DNAJC1: variants seen among roughly 807,000 people sequenced by gnomAD.
DNAJC1 encodes dnaJ homolog subfamily C member 1.
In DNAJC1, 58 loss-of-function variants were observed where a neutral mutation model predicts 76.6. That is an observed-to-expected ratio of 0.76 (90% CI 0.61 to 0.94). The LOEUF (loss-of-function observed/expected upper bound fraction) is 0.94. DNAJC1 is among the 40% of genes least tolerant of loss of function. The probability of loss-of-function intolerance (pLI) is 0.00; values close to 1 mark genes in which losing one functional copy is unlikely to be tolerated. For synonymous variants in DNAJC1, 258 were observed against 267.9 expected (o/e 0.96, Z 0.36); for missense variants, 689 against 677.3 (o/e 1.02, Z -0.19).
intron 10 of DNAJC1, among the ~76,000 whole-genome samples, chr10:21,761,939 C>CA: frequency 6.6e-6 from 1 of 152,218 alleles, no homozygotes; most frequent in Middle Eastern, 3.4e-3. Context: ...GATGGAGTCT[C>CA]ACTCTTTCAC....
chr10:21,965,625 G>A (rs1837877943), intron 1 of DNAJC1, among the ~76,000 whole-genome samples: 1 of 152,096 alleles, frequency 6.6e-6, no homozygotes, highest in South Asian at 2.1e-4. Context: ...GGAGAACAAA[G>A]TCATTCCTAA....
intron 10 of DNAJC1, among the ~76,000 whole-genome samples, chr10:21,761,464 C>T (rs1191039927): frequency 6.7e-6 from 1 of 148,248 alleles, no homozygotes; most frequent in Non-Finnish European, 1.5e-5. Context: ...GAGGCCGAGG[C>T]AGGAGAATCG....
intron 9 of DNAJC1, among the ~76,000 whole-genome samples, chr10:21,782,750 T>G (rs941292040): frequency 2.0e-5 from 3 of 152,174 alleles, no homozygotes; most frequent in East Asian, 1.9e-4. Flanking sequence ...GTTGAACATA[T>G]GCAAATCAAT....
chr10:21,851,891 A>G (rs1050055758), intron 8 of DNAJC1, among the ~76,000 whole-genome samples: 6 of 151,788 alleles, frequency 4.0e-5, no homozygotes, highest in Non-Finnish European at 8.8e-5. Flanking sequence ...CATCTCTACT[A>G]AAAATACAAA....
At chr10:21,968,700 C>G (rs1205834508) in intron 1 of DNAJC1, among the ~76,000 whole-genome samples, 1 of 151,840 alleles carries the variant, frequency 6.6e-6, no homozygotes, top group East Asian at 1.9e-4. Flanking sequence ...TTAGTAGAGA[C>G]AGGGTTTCAC....
chr10:21,816,095 C>T (rs1381315444), intron 8 of DNAJC1, among the ~76,000 whole-genome samples: 3 of 151,476 alleles, frequency 2.0e-5, no homozygotes. Context: ...AATACCCTAT[C>T]CTAGATGGGC....
chr10:21,781,638 G>A (rs1203394071), intron 9 of DNAJC1, among the ~76,000 whole-genome samples: 43 of 148,580 alleles, frequency 2.9e-4, no homozygotes, highest in Admixed American at 1.2e-3. Flanking sequence ...GGAGAATGGC[G>A]TGAACCTGGG....
chr10:21,958,346 T>G (rs1046917554), intron 1 of DNAJC1, among the ~76,000 whole-genome samples: 5 of 152,218 alleles, frequency 3.3e-5, no homozygotes, highest in Non-Finnish European at 2.9e-5. Flanking sequence ...TACATTTATA[T>G]AGTTCTGCAA....
At chr10:21,869,916 TTTTA>T (rs1278676973) in intron 8 of DNAJC1, among the ~76,000 whole-genome samples, 1 of 152,050 alleles carries the variant, frequency 6.6e-6, no homozygotes, top group African/African-American at 2.4e-5. Flanking sequence ...CAATCTATAA[TTTTA>T]TTTATTTTAA....
At chr10:21,958,431 C>CTTT (rs554641280) in intron 1 of DNAJC1, among the ~76,000 whole-genome samples, 4 of 141,230 alleles carry the variant, frequency 2.8e-5, no homozygotes, top group Non-Finnish European at 6.2e-5. Context: ...ACAGATTTGT[C>CTTT]TTTTTTTTTT....
intron 7 of DNAJC1, among the ~76,000 whole-genome samples, chr10:21,893,914 C>A (rs1451027158): frequency 1.3e-5 from 2 of 151,650 alleles, no homozygotes; most frequent in East Asian, 3.9e-4. Flanking sequence ...CAACAACTGG[C>A]GAATCTGACA....
chr10:21,936,436 T>C (rs970609837), intron 1 of DNAJC1, among the ~76,000 whole-genome samples: 1 of 152,208 alleles, frequency 6.6e-6, no homozygotes, highest in African/African-American at 2.4e-5. Flanking sequence ...ACTTCAATTT[T>C]ACTCTACATG....
chr10:21,843,591 T>C (rs1163535820), intron 8 of DNAJC1, among the ~76,000 whole-genome samples: 2 of 151,766 alleles, frequency 1.3e-5, no homozygotes, highest in East Asian at 3.9e-4. Flanking sequence ...GACCAGGTTT[T>C]ACCGTGTTAG....
chr10:21,908,222 TAATATATATAA>T (rs1836789120), intron 6 of DNAJC1, among the ~76,000 whole-genome samples: 2 of 72,054 alleles, frequency 2.8e-5, no homozygotes, highest in South Asian at 8.0e-4. Context: ...ATATTATATA[TAATATATATAA>T]AATATATATA....
At chr10:21,963,065 C>T (rs1315921530) in intron 1 of DNAJC1, among the ~76,000 whole-genome samples, 4 of 152,130 alleles carry the variant, frequency 2.6e-5, no homozygotes, top group Non-Finnish European at 5.9e-5. Context: ...ATCCTACTTG[C>T]TCCTAAGAAC....
At chr10:21,769,693 C>A (rs1227984062) in intron 9 of DNAJC1, among the ~76,000 whole-genome samples, 3 of 152,016 alleles carry the variant, frequency 2.0e-5, no homozygotes, top group Non-Finnish European at 4.4e-5. Context: ...CTTTTCTTTT[C>A]TTTTCTTTTG....
At chr10:21,952,883 C>T (rs1053134422) in intron 1 of DNAJC1, among the ~76,000 whole-genome samples, 1 of 152,116 alleles carries the variant, frequency 6.6e-6, no homozygotes, top group Non-Finnish European at 1.5e-5. Flanking sequence ...TGGGAAAAAT[C>T]ACTATTCTTT....
chr10:21,915,834 C>T lies in DNAJC1; in HGVS notation c.729+2945G>A, dbSNP rs116363378. Reference sequence around the variant, plus strand: ...CTGTTTTAATGTCCCACCTAGGGTACCCCCATCTCCCAAAAAAAAAAAAAA... The same window carrying T: ...CTGTTTTAATGTCCCACCTAGGGTATCCCCATCTCCCAAAAAAAAAAAAAA... On this transcript the variant is annotated intron_variant, in intron 6 of 11. Coordinates refer to ENST00000376980, the MANE Select transcript of DNAJC1 (RefSeq NM_022365.4). 3.8e-3 allele frequency among the ~76,000 whole-genome samples: 577 copies of T among 151,006 alleles called. 4 individuals are homozygous for T. Among genetic ancestry groups the T allele is most frequent in the African/African-American group, 0.013 (546 of 41,124 alleles).
intron 9 of DNAJC1, among the ~76,000 whole-genome samples, chr10:21,774,494 T>C (rs1260595734): frequency 2.0e-5 from 3 of 152,196 alleles, no homozygotes; most frequent in Admixed American, 2.0e-4. Context: ...AACGTATTAA[T>C]ATATTTTCTC....
Sources: allele counts gnomAD v4.1 joint callset (sites outside exome capture counted in the v4.1 genomes callset), GRCh38; gene constraint gnomAD v4.1.1; transcripts MANE v1.5; gene names NCBI Gene and HGNC (gene_info 2026-07-23, HGNC 2026-07-21).